The following SYCE1 variants were observed in gnomAD, a reference collection of about 807,000 sequenced individuals.
The protein encoded by SYCE1 is synaptonemal complex central element protein 1.
In SYCE1, 37 loss-of-function variants were observed where a neutral mutation model predicts 55.1. That is an observed-to-expected ratio of 0.67 (90% CI 0.52 to 0.88). SYCE1 has a LOEUF of 0.88. Among genes scored for constraint, SYCE1 ranks in the 40% least tolerant of loss-of-function variants. SYCE1 has a pLI of 0.00. For missense variants in SYCE1, 399 were observed against 416.4 expected, an observed-to-expected ratio of 0.96 and a Z score of 0.36; for synonymous variants, 163 against 159.4, an observed-to-expected ratio of 1.02 and a Z score of -0.17.
chr10:133,563,752 C>T (rs12256359), intron 1 of SYCE1, among the ~76,000 whole-genome samples: 1,916 of 149,794 alleles, frequency 0.013, 41 homozygotes, highest in African/African-American at 0.045. Flanking sequence ...TTATGGAGTC[C>T]CCTCATTTTG....
At chr10:133,560,452 G>A (rs1851793232) in intron 1 of SYCE1, 1 of 209,086 alleles carries the variant, frequency 4.8e-6, no homozygotes, top group South Asian at 1.8e-4. Flanking sequence ...AAAAAATGAG[G>A]GTATAAAAAA....
At chr10:133,567,530 C>T (rs1350700841), upstream of SYCE1, among the ~76,000 whole-genome samples, 1 of 151,958 alleles carries the variant, frequency 6.6e-6, no homozygotes, top group Admixed American at 6.6e-5. Flanking sequence ...GCTGTGAGAT[C>T]CACTCTTCTG....
chr10:133,557,203 G>C (rs764625726), intron 6 of SYCE1, 47 bp from the exon 7 acceptor site: 1 of 1,537,412 alleles, frequency 6.5e-7, no homozygotes, highest in East Asian at 2.3e-5. Context: ...TAAGCCCCAG[G>C]AGGGCACTGG....
intron 4 of SYCE1, chr10:133,558,624 G>C (rs1851745937): frequency 1.8e-6 from 1 of 546,334 alleles, no homozygotes; most frequent in Middle Eastern, 4.9e-4. Context: ...CTGATGATGT[G>C]AGGAAAGAGG....
At chr10:133,565,707 G>C, upstream of SYCE1, 1 of 590,280 alleles carries the variant, frequency 1.7e-6, no homozygotes, top group South Asian at 2.4e-5. Context: ...CATGCGTAAA[G>C]GCGCGAGGGC....
upstream of SYCE1, chr10:133,568,205 A>T: frequency 8.7e-7 from 1 of 1,146,104 alleles, no homozygotes; most frequent in African/African-American, 1.5e-5. Context: ...GTAGATGCCG[A>T]GCCGGTCCTG....
At chr10:133,555,731 T>G (rs752221222) in intron 10 of SYCE1, 24 bp from the exon 11 acceptor site, 18 of 1,607,644 alleles carry the variant, frequency 1.1e-5, no homozygotes, top group Non-Finnish European at 1.4e-5. Context: ...TAGGGGGTGG[T>G]CAGCACCGGC....
In SYCE1 at chr10:133,555,141, T is replaced by C; in HGVS notation, c.919-12A>G. 1 of 1,544,198 alleles carries C rather than the reference T, an allele frequency of 6.5e-7. No homozygotes were observed. Among genetic ancestry groups the C allele is most frequent in the South Asian group, 1.2e-5 (1 of 82,826 alleles). ...GGCTTGGGACTGGCCTGCAGGAGGT[T>C]AGTGTCCAGGGTGGGAATTTACACC... On this transcript the variant is annotated splice_polypyrimidine_tract_variant and intron_variant, in intron 12 of 12. Transcript: ENST00000343131.
At position 133,565,442 on chromosome 10, in the gene SYCE1, G is replaced by A. The variant is rs1212330569; in HGVS notation, c.73+15C>T. On this transcript the variant is annotated intron_variant, in intron 1 of 12. Transcript: ENST00000343131. ...GTCAGACCCTCACGCACAGTTCCCT[G>A]CCTCCCACCACTACCTCCGGCCTTC... The A allele has an allele frequency of 1.3e-6, 2 of 1,544,748 alleles. No homozygotes were observed. Among genetic ancestry groups the A allele is most frequent in the Non-Finnish European group, 1.7e-6 (2 of 1,144,282 alleles).
chr10:133,562,967 ACAGGCC>A (rs1424225019), intron 1 of SYCE1, among the ~76,000 whole-genome samples: 1 of 63,034 alleles, frequency 1.6e-5, no homozygotes, highest in Non-Finnish European at 6.5e-5. Flanking sequence ...AAACCATATC[ACAGGCC>A]AAGGCCAAGG....
upstream of SYCE1, chr10:133,568,209 G>A (rs1296635284): frequency 1.2e-5 from 14 of 1,167,106 alleles, no homozygotes; most frequent in Non-Finnish European, 1.6e-5. Context: ...ATGCCGAGCC[G>A]GTCCTGTTGC....
intron 1 of SYCE1, chr10:133,560,699 C>T (rs1019459144): frequency 1.3e-5 from 2 of 152,036 alleles, no homozygotes; most frequent in African/African-American, 4.8e-5. Context: ...ATTTTTAACA[C>T]TAAAATTAGT....
upstream of SYCE1, chr10:133,565,652 G>A (rs547819574): frequency 1.1e-6 from 1 of 899,634 alleles, no homozygotes; most frequent in African/African-American, 1.7e-5. Flanking sequence ...CGCGCGCCTG[G>A]AGATGTGAGG....
intron 2 of SYCE1, 54 bp downstream of exon 2, chr10:133,560,037 C>T (rs1020362183): frequency 8.6e-6 from 13 of 1,503,632 alleles, no homozygotes; most frequent in Non-Finnish European, 9.3e-7. Context: ...ATTAAACCCA[C>T]ATCTGCCTGG....
At chr10:133,559,710 T>C (rs757932548) in intron 2 of SYCE1, 5 of 407,426 alleles carry the variant, frequency 1.2e-5, no homozygotes, top group Middle Eastern at 7.1e-4. Flanking sequence ...GGTTGGGAGG[T>C]AGTCAGTGCA....
intron 2 of SYCE1, chr10:133,559,869 T>C (rs1432386035): frequency 2.0e-5 from 11 of 543,010 alleles, no homozygotes; most frequent in Non-Finnish European, 3.6e-5. Context: ...AGCGAGAGGT[T>C]TGGGACAGGG....
downstream of SYCE1, chr10:133,554,423 A>G (rs1428502246): frequency 4.4e-6 from 5 of 1,131,658 alleles, no homozygotes; most frequent in African/African-American, 4.6e-5. Flanking sequence ...GATTGGGTCA[A>G]CGCATTTCAG....
In SYCE1 at chr10:133,555,893, G is replaced by T; in HGVS notation, c.606C>A (p.Val202=). 1 of 1,613,978 alleles carries T rather than the reference G, an allele frequency of 6.2e-7. No individual in the cohort carries two copies. ...GCTTCACGTCTTCCAGTGTCGCCTT[G>T]ACCAGCTTCTCTGCAGCACAAAGGG... ...KEQLLKEEKL[V]KATLEDVKHQ... is the part of the protein sequence containing the mutation. Residue 202 remains valine (V), a synonymous_variant, in exon 10 of 13, where the codon GTC becomes GTA. Coordinates refer to ENST00000343131, the MANE Select transcript of SYCE1 (RefSeq NM_001143764.3).
At chr10:133,566,851 TGTTAGG>T (rs1399237340), upstream of SYCE1, among the ~76,000 whole-genome samples, 14 of 23,838 alleles carry the variant, frequency 5.9e-4, no homozygotes, top group South Asian at 3.9e-3. Context: ...GGCTTAGTGT[TGTTAGG>T]GTTAGGGTTA....
Sources: gnomAD v4.1 joint callset for allele counts (sites outside exome capture counted in the v4.1 genomes callset) on GRCh38, gnomAD v4.1.1 for gene constraint, MANE v1.5 for transcripts, NCBI Gene and HGNC (gene_info 2026-07-23, HGNC 2026-07-21) for gene names.